The following RARS1 variants were observed in gnomAD, a reference collection of about 807,000 sequenced individuals.
RARS1 encodes the protein arginine--tRNA ligase, cytoplasmic.
In RARS1, 75 loss-of-function variants were observed where a neutral mutation model predicts 78.7. The observed-to-expected ratio is 0.95, with a 90% CI of 0.79 to 1.15. The LOEUF is 1.15. RARS1 is among the 50% of genes most tolerant of loss of function. The pLI is 0.00. For synonymous variants in RARS1, 273 were observed against 268.2 expected, an observed-to-expected ratio of 1.02 and a Z score of -0.18; for missense variants, 787 against 787.5, an observed-to-expected ratio of 1.00 and a Z score of 0.01.
chr5:168,487,426 G>C (rs1163743408), intron 1 of RARS1, among the ~76,000 whole-genome samples: 12 of 152,154 alleles, frequency 7.9e-5, no homozygotes, highest in Non-Finnish European at 1.5e-5. Context: ...CAGGTGGGGA[G>C]GGATGGTAGG....
intron 11 of RARS1, among the ~76,000 whole-genome samples, chr5:168,507,775 C>T (rs1259901830): frequency 6.6e-6 from 1 of 151,888 alleles, no homozygotes; most frequent in African/African-American, 2.4e-5. Flanking sequence ...AAGTGGCTCT[C>T]ACGCCTGTAA....
chr5:168,518,085 T>TTTTTTTTG, intron 14 of RARS1, 23 bp downstream of exon 14: 1 of 1,431,270 alleles, frequency 7.0e-7, no homozygotes, highest in South Asian at 1.4e-5. Context: ...TTTTTTTTTT[T>TTTTTTTTG]TTTTTTTTTT....
Position 168,510,625 on chromosome 5 carries a change from A to G in RARS1, c.1391A>G (p.Asp464Gly). The G allele has an allele frequency of 1.2e-6, 2 of 1,611,104 alleles. No individual in the cohort carries two copies. The highest frequency in any genetic ancestry group is 1.7e-6 in the Non-Finnish European group (2 of 1,179,330). ...TRSGETVRLM[D>G]LLGEGLKRSM... Reference sequence around the variant, plus strand: ...TCGGGTGAAACAGTGCGCCTCATGGATCTTCTGGGAGAAGGACTAAAACGA... The same window carrying G: ...TCGGGTGAAACAGTGCGCCTCATGGGTCTTCTGGGAGAAGGACTAAAACGA... Residue 464 changes from aspartate to glycine, a missense_variant, in exon 12 of 15, where the codon GAT becomes GGT. By Grantham distance (94) the Asp-to-Gly change is moderately conservative. Coordinates refer to ENST00000231572, the MANE Select transcript of RARS1 (RefSeq NM_002887.4).
chr5:168,494,487 T>C, intron 4 of RARS1, 63 bp from the exon 5 acceptor site: 1 of 1,592,708 alleles, frequency 6.3e-7, no homozygotes, highest in South Asian at 1.1e-5. Context: ...GAGCAAATCC[T>C]TAGGAGCGAG....
At chr5:168,493,808 A>G in intron 3 of RARS1, 86 bp from the exon 4 acceptor site, 1 of 998,432 alleles carries the variant, frequency 1.0e-6, no homozygotes, top group East Asian at 2.5e-5. Context: ...TTAACGTAAA[A>G]TGCATCTCGT....
chr5:168,490,978 A>C (rs1335366581), intron 2 of RARS1, among the ~76,000 whole-genome samples: 2 of 152,106 alleles, frequency 1.3e-5, no homozygotes, highest in Non-Finnish European at 2.9e-5. Flanking sequence ...CTCTACTAAA[A>C]ATACAAAAAT....
At chr5:168,515,229 T>A (rs1316665240) in intron 12 of RARS1, among the ~76,000 whole-genome samples, 2 of 152,218 alleles carry the variant, frequency 1.3e-5, no homozygotes, top group East Asian at 3.8e-4. Flanking sequence ...TGCTATTATC[T>A]TTTTTCTTTT....
intron 12 of RARS1, among the ~76,000 whole-genome samples, chr5:168,515,625 T>G (rs1260719570): frequency 5.9e-5 from 9 of 152,234 alleles, no homozygotes. Context: ...TGACCCTGTT[T>G]GTATTGGCCT....
At chr5:168,510,056 T>G (rs1758535553) in intron 11 of RARS1, among the ~76,000 whole-genome samples, 1 of 152,212 alleles carries the variant, frequency 6.6e-6, no homozygotes, top group Non-Finnish European at 1.5e-5. Flanking sequence ...GATTCTGGTA[T>G]GAATCAAGGC....
chr5:168,495,103 A>T, intron 5 of RARS1: 1 of 797,664 alleles, frequency 1.3e-6, no homozygotes, highest in Non-Finnish European at 1.8e-6. Context: ...CATGAATTTG[A>T]TTCTTTTTCA....
Position 168,494,549 on chromosome 5 carries a change from G to A in RARS1, c.479-1G>A. 6.2e-7 allele frequency: 1 copy of A among 1,607,870 alleles called. No individual in the cohort carries two copies. Among genetic ancestry groups the A allele is most frequent in the South Asian group, 1.1e-5 (1 of 90,950 alleles). On this transcript the variant is annotated splice_acceptor_variant, in intron 4 of 14. Coordinates refer to ENST00000231572, the MANE Select transcript of RARS1 (RefSeq NM_002887.4). LOFTEE classifies it high-confidence loss of function. ...GATATTTTTTCTCTTCTATCCATTA[G>A]GTTTTATTAATGTCCACTTAAGAAA...
chr5:168,492,996 G>A (rs1342838352), intron 3 of RARS1, 149 bp downstream of exon 3: 2 of 745,280 alleles, frequency 2.7e-6, no homozygotes, highest in South Asian at 3.1e-5. Context: ...GGAGTTGGGG[G>A]GGTATATGTT....
chr5:168,517,528 T>A (rs1472347350), intron 13 of RARS1, among the ~76,000 whole-genome samples: 1 of 152,174 alleles, frequency 6.6e-6, no homozygotes, highest in Non-Finnish European at 1.5e-5. Context: ...TATCCCAGAA[T>A]CCCTAAACCT....
chr5:168,488,109 T>C (rs1436263090), intron 1 of RARS1: 1 of 338,850 alleles, frequency 3.0e-6, no homozygotes, highest in Non-Finnish European at 5.8e-6. Context: ...CACATGTATG[T>C]GTGGTTAATA....
chr5:168,510,008 A>AC (rs1758534898), intron 11 of RARS1, among the ~76,000 whole-genome samples: 1 of 152,168 alleles, frequency 6.6e-6, no homozygotes. Context: ...CAAGCAAGCA[A>AC]CTGGCTGCTC....
chr5:168,507,262 T>A (rs933856954), intron 11 of RARS1, among the ~76,000 whole-genome samples: 2 of 152,256 alleles, frequency 1.3e-5, no homozygotes, highest in African/African-American at 4.8e-5. Context: ...TCACTGGTTT[T>A]GTTATGTTCT....
intron 2 of RARS1, 31 bp downstream of exon 2, chr5:168,488,767 C>A: frequency 6.4e-7 from 1 of 1,556,846 alleles, no homozygotes; most frequent in South Asian, 1.2e-5. Flanking sequence ...TTTTATTCTC[C>A]AGTTTGAATC....
In RARS1 at chr5:168,510,662, G is replaced by A. The variant is rs1057523265; in HGVS notation, c.1428G>A (p.Lys476=). The A allele has an allele frequency of 2.5e-6, 4 of 1,608,742 alleles. No individual in the cohort carries two copies. Among genetic ancestry groups the A allele is most frequent in the Non-Finnish European group, 2.5e-6 (3 of 1,178,158 alleles). The change falls in exon 12 of 15, where the codon AAG becomes AAA. Residue 476 remains lysine (K), a synonymous_variant. Transcript: ENST00000231572. ...LGEGLKRSMD[K]LKEKERDKVL... ...AAGGACTAAAACGATCCATGGACAAGTTGAAGGAAAAAGAAAGAGACAAGG... is the reference window on the plus strand; with the variant it reads ...AAGGACTAAAACGATCCATGGACAAATTGAAGGAAAAAGAAAGAGACAAGG...
At chr5:168,494,704 A>T (rs1758148223) in intron 5 of RARS1, 54 bp downstream of exon 5, 1 of 1,254,210 alleles carries the variant, frequency 8.0e-7, no homozygotes, top group Admixed American at 1.7e-5. Context: ...GCGTGGAACC[A>T]AGCATGGTGG....
Sources: allele counts gnomAD v4.1 joint callset (sites outside exome capture counted in the v4.1 genomes callset), GRCh38; gene constraint gnomAD v4.1.1; transcripts MANE v1.5; gene names NCBI Gene and HGNC (gene_info 2026-07-23, HGNC 2026-07-21).